Variants in PODN observed in about 807,000 individuals in gnomAD.
PODN encodes podocan proteoglycan.
PODN carries 40 observed loss-of-function variants against 52.7 expected under a neutral mutation model. The ratio of observed to expected loss-of-function variants is 0.76; its 90% CI spans 0.59 to 0.99. The LOEUF (loss-of-function observed/expected upper bound fraction) is 0.99, where lower values mean the gene tolerates loss of function less well. PODN is among the 50% of genes least tolerant of loss of function. The probability of loss-of-function intolerance (pLI) is 0.00; values close to 1 mark genes in which losing one functional copy is unlikely to be tolerated. For synonymous variants in PODN, 396 were observed against 377.9 expected, an observed-to-expected ratio of 1.05 and a Z score of -0.56; for missense variants, 720 against 815.1, an observed-to-expected ratio of 0.88 and a Z score of 1.42.
chr1:53,062,362 C>T, intron 1 of PODN, 54 bp downstream of exon 1: 4 of 1,187,058 alleles, frequency 3.4e-6, no homozygotes, highest in Non-Finnish European at 4.3e-6. Flanking sequence ...TGAGCCCGGG[C>T]AGCGCACTCA....
At chr1:53,074,241 C>A (rs1297548617) in intron 3 of PODN, among the ~76,000 whole-genome samples, 3 of 152,224 alleles carry the variant, frequency 2.0e-5, no homozygotes, top group Admixed American at 1.3e-4. Flanking sequence ...CCTGGCCCGG[C>A]CCCCCTGCCT....
intron 1 of PODN, among the ~76,000 whole-genome samples, chr1:53,062,660 G>A (rs12759020): frequency 1.3e-5 from 2 of 152,190 alleles, no homozygotes; most frequent in African/African-American, 4.8e-5. Flanking sequence ...GTGGGGGGCA[G>A]GTGGAACTGC....
rs182621873 is a variant in PODN at position 53,079,132 on chromosome 1, G to A, written c.1512+110G>A. 1.0e-5 allele frequency: 14 copies of A among 1,340,574 alleles called. No individual in the cohort carries two copies. In the Admixed American group the frequency reaches 2.0e-4, roughly 19 times the overall value. 83.0% of individuals were successfully genotyped at this position (1,340,574 alleles called of 1,614,324 possible). On this transcript the variant is annotated intron_variant, in intron 8 of 10. Transcript: ENST00000312553. ...GGAGAAGGGCTGGGTGGTGAGGGAG[G>A]TTCCTCTGGTATGGCCAGGCTGAGC...
chr1:53,062,430 TCA>T, intron 1 of PODN, 122 bp downstream of exon 1: 1 of 691,628 alleles, frequency 1.4e-6, no homozygotes, highest in South Asian at 7.4e-5. Context: ...CCGCCGCATC[TCA>T]CCCCCTCTGT....
At chr1:53,079,101 G>A in intron 8 of PODN, 79 bp downstream of exon 8, 3 of 1,424,556 alleles carry the variant, frequency 2.1e-6, no homozygotes, top group Non-Finnish European at 2.8e-6. Flanking sequence ...CCTGTCTGAA[G>A]GGTGAGGAGA....
chr1:53,067,852 G>T (rs970661441), intron 1 of PODN, among the ~76,000 whole-genome samples: 2 of 148,558 alleles, frequency 1.3e-5, no homozygotes, highest in African/African-American at 2.5e-5. Flanking sequence ...GGAGCTCAAG[G>T]TTACAGTGAG....
Position 53,078,452 on chromosome 1 carries a change from G to A in PODN, c.942G>A (p.Leu314=). 6.2e-7 allele frequency: 1 copy of A among 1,613,490 alleles called. No homozygotes were observed. The highest frequency in any genetic ancestry group is 1.7e-5 in the Admixed American group (1 of 60,036). Residue 314 remains leucine (L), a synonymous_variant, in exon 8 of 11, where the codon CTG becomes CTA. Coordinates refer to ENST00000312553, the MANE Select transcript of PODN (RefSeq NM_153703.5). ...PAGLPRSLVL[L]HLEKNAIRSV... is the part of the protein sequence containing the mutation. ...GGCTGCCGCGCAGCCTGGTGCTGCT[G>A]CACTTGGAGAAGAACGCCATCCGGA...
rs752069580 is a variant in PODN at position 53,077,161 on chromosome 1, TG to T, written c.582-26del. 6 of 1,609,050 alleles carry T rather than the reference TG, an allele frequency of 3.7e-6. No homozygotes were observed. In the Admixed American group the frequency reaches 1.0e-4, roughly 27 times the overall value. ...TGGCGCAGGGCCTGGGGAGCCCAGGTGGGTGAGGACCTGTGCCTTGACCCCC... is the reference window on the plus strand; with the variant it reads ...TGGCGCAGGGCCTGGGGAGCCCAGGTGGTGAGGACCTGTGCCTTGACCCCC... On this transcript the variant is annotated intron_variant, in intron 5 of 10. Coordinates refer to ENST00000312553, the MANE Select transcript of PODN (RefSeq NM_153703.5).
intron 9 of PODN, among the ~76,000 whole-genome samples, chr1:53,081,765 G>T (rs563816035): frequency 5.3e-4 from 80 of 152,288 alleles, no homozygotes; most frequent in Non-Finnish European, 1.1e-3. Context: ...GCAGAGACTG[G>T]CCCAGAGCCA....
intron 10 of PODN, among the ~76,000 whole-genome samples, chr1:53,083,708 G>A (rs943417359): frequency 6.6e-6 from 1 of 152,234 alleles, no homozygotes; most frequent in African/African-American, 2.4e-5. Flanking sequence ...GAGTGTGTTG[G>A]CCGGAGGCTG....
intron 1 of PODN, 148 bp downstream of exon 1, chr1:53,062,456 C>G: frequency 1.8e-6 from 1 of 553,540 alleles, no homozygotes; most frequent in Non-Finnish European, 2.7e-6. Flanking sequence ...ACCCTGCACC[C>G]AGGGCACGGC....
chr1:53,076,264 T>C (rs978952384), intron 5 of PODN, among the ~76,000 whole-genome samples: 5 of 152,188 alleles, frequency 3.3e-5, no homozygotes, highest in East Asian at 1.9e-4. Flanking sequence ...CTGAGCTGCA[T>C]TGGGAGGAGC....
At chr1:53,062,464 G>C (rs1025865594) in intron 1 of PODN, among the ~76,000 whole-genome samples, 156 bp downstream of exon 1, 3 of 151,488 alleles carry the variant, frequency 2.0e-5, no homozygotes, top group Non-Finnish European at 2.9e-5. Context: ...CCCAGGGCAC[G>C]GCCGGAGATC....
At position 53,071,373 on chromosome 1, in the gene PODN, C is replaced by G. The variant is rs533191937; in HGVS notation, c.313-162C>G. 33 of 636,070 alleles carry G rather than the reference C, an allele frequency of 5.2e-5. 2 individuals are homozygous for G. The Admixed American group carries it at 9.6e-4, about 18-fold the overall frequency. The allele number at this position is 636,070 out of a possible 1,614,324, so 39.4% of individuals were successfully genotyped here. On this transcript the variant is annotated intron_variant, in intron 2 of 10. Transcript: ENST00000312553. ...CCCCAGAGCCCATATGCAGACCTGGCCCAGAGCTGGCACCGGGGGTCTGCT... is the reference window on the plus strand; with the variant it reads ...CCCCAGAGCCCATATGCAGACCTGGGCCAGAGCTGGCACCGGGGGTCTGCT...
In PODN at chr1:53,078,978, C is replaced by A; in HGVS notation, c.1468C>A (p.Arg490=). Residue 490 remains arginine, a synonymous_variant, in exon 8 of 11, where the codon CGA becomes AGA. Transcript: ENST00000312553. ...CCTCACCAGCAACCGACTGCGCAGC[C>A]GAGCCCTGGGCCCCCGTGCCTGGGT... ...LYLTSNRLRS[R]ALGPRAWVDL... 1 of 1,572,670 alleles carries A rather than the reference C, an allele frequency of 6.4e-7. No individual in the cohort carries two copies. The highest frequency in any genetic ancestry group is 8.6e-7 in the Non-Finnish European group (1 of 1,158,764).
At chr1:53,081,955 C>T in intron 9 of PODN, 26 bp from the exon 10 acceptor site, 1 of 1,570,830 alleles carries the variant, frequency 6.4e-7, no homozygotes, top group Non-Finnish European at 8.7e-7. Flanking sequence ...GGGCTCCTGG[C>T]ATTGACTGCC....
chr1:53,081,088 C>A (rs902065312), intron 9 of PODN, among the ~76,000 whole-genome samples: 1 of 152,220 alleles, frequency 6.6e-6, no homozygotes, highest in Non-Finnish European at 1.5e-5. Flanking sequence ...TGCGCATGGG[C>A]GTTGTGAATG....
chr1:53,070,725 C>T (rs1353814218), intron 2 of PODN, among the ~76,000 whole-genome samples: 3 of 152,240 alleles, frequency 2.0e-5, no homozygotes, highest in Admixed American at 6.5e-5. Flanking sequence ...CTGCGGCACC[C>T]GTTCCCAGAG....
At chr1:53,077,493 G>A (rs1451260782) in intron 6 of PODN, 147 bp downstream of exon 6, 13 of 1,321,054 alleles carry the variant, frequency 9.8e-6, no homozygotes, top group African/African-American at 1.5e-5. Context: ...AGTCTACTGT[G>A]GAGAAGTGGG....
Sources: gnomAD v4.1 joint callset for allele counts (sites outside exome capture counted in the v4.1 genomes callset) on GRCh38, gnomAD v4.1.1 for gene constraint, MANE v1.5 for transcripts, NCBI Gene and HGNC (gene_info 2026-07-23, HGNC 2026-07-21) for gene names.